RYR2: variants seen among roughly 807,000 people sequenced by gnomAD.
RYR2 encodes the protein ryanodine receptor 2.
In RYR2, 227 loss-of-function variants were observed where a neutral mutation model predicts 601.1. The ratio of observed to expected loss-of-function variants is 0.38; its 90% CI spans 0.34 to 0.42. The LOEUF is 0.42. RYR2 is among the 10% of genes least tolerant of loss of function. The pLI is 1.00. For synonymous variants in RYR2, 2,223 were observed against 2,175.1 expected (o/e 1.02, Z -0.61); for missense variants, 4,646 against 6,156.5 (o/e 0.75, Z 8.21).
chr1:237,592,537 G>A (rs1246959242), intron 32 of RYR2, among the ~76,000 whole-genome samples: 2 of 151,864 alleles, frequency 1.3e-5, no homozygotes, highest in African/African-American at 4.8e-5. Context: ...GGAGGCTGAG[G>A]CAGGAGAATT....
chr1:237,805,052 C>T (rs1000064921), intron 98 of RYR2, among the ~76,000 whole-genome samples: 2 of 152,118 alleles, frequency 1.3e-5, no homozygotes, highest in Non-Finnish European at 1.5e-5. Context: ...ATGCACAGAA[C>T]AGCACCCATA....
At chr1:237,350,616 T>A (rs868586516) in intron 3 of RYR2, among the ~76,000 whole-genome samples, 2 of 100,562 alleles carry the variant, frequency 2.0e-5, no homozygotes, top group Non-Finnish European at 3.7e-5. Context: ...TATATATATA[T>A]ATATATATAT....
At chr1:237,509,422 T>C (rs185076809) in intron 23 of RYR2, among the ~76,000 whole-genome samples, 33 of 152,360 alleles carry the variant, frequency 2.2e-4, no homozygotes, top group East Asian at 1.9e-3. Flanking sequence ...TATTCAAGTA[T>C]ATTTTTCTTT....
intron 56 of RYR2, among the ~76,000 whole-genome samples, chr1:237,662,098 C>T (rs534950876): frequency 6.6e-6 from 1 of 152,092 alleles, no homozygotes; most frequent in South Asian, 2.1e-4. Flanking sequence ...ATGTGCTTCA[C>T]ATGCTCCATA....
At chr1:237,375,563 A>G (rs1192704583) in intron 7 of RYR2, among the ~76,000 whole-genome samples, 2 of 152,178 alleles carry the variant, frequency 1.3e-5, no homozygotes, top group East Asian at 3.9e-4. Context: ...ATTTACCCAT[A>G]TTTACTAAAT....
At chr1:237,651,389 A>G (rs1359551481) in intron 50 of RYR2, 22 bp from the exon 51 acceptor site, 2 of 1,516,650 alleles carry the variant, frequency 1.3e-6, no homozygotes, top group African/African-American at 1.4e-5. Context: ...TGGCATTATG[A>G]ACATTAGCTT....
At chr1:237,426,337 A>G (rs997974131) in intron 12 of RYR2, among the ~76,000 whole-genome samples, 1 of 152,130 alleles carries the variant, frequency 6.6e-6, no homozygotes, top group Non-Finnish European at 1.5e-5. Flanking sequence ...ATCTGTATCT[A>G]TATATTTGCT....
At chr1:237,513,319 T>C (rs2805427) in intron 24 of RYR2, among the ~76,000 whole-genome samples, 47,925 of 152,186 alleles carry the variant, frequency 0.31, 9,332 homozygotes, top group East Asian at 0.5. Flanking sequence ...ACTGGATTTG[T>C]TCCAATAGGT....
At chr1:237,261,552 G>A (rs1049989062) in intron 1 of RYR2, among the ~76,000 whole-genome samples, 2 of 152,176 alleles carry the variant, frequency 1.3e-5, no homozygotes, top group Non-Finnish European at 2.9e-5. Flanking sequence ...CCACCGGGAC[G>A]GTTATATTGT....
chr1:237,574,523 T>C (rs1390784751), intron 29 of RYR2, among the ~76,000 whole-genome samples: 8 of 152,134 alleles, frequency 5.3e-5, no homozygotes, highest in African/African-American at 1.9e-4. Flanking sequence ...GTTAGTCAAA[T>C]AGAGATTATA....
At chr1:237,240,992 G>A (rs546715681) in intron 1 of RYR2, among the ~76,000 whole-genome samples, 7 of 152,240 alleles carry the variant, frequency 4.6e-5, no homozygotes, top group African/African-American at 1.7e-4. Flanking sequence ...TGGAAATAAG[G>A]TCAAATGAAT....
At chr1:237,569,442 C>A in intron 29 of RYR2, 123 bp downstream of exon 29, 2 of 835,006 alleles carry the variant, frequency 2.4e-6, no homozygotes, top group Non-Finnish European at 3.8e-6. Flanking sequence ...AGCTGTAAAT[C>A]GTGAGGGTGC....
chr1:237,637,800 A>G (rs1681032410), intron 44 of RYR2, among the ~76,000 whole-genome samples: 1 of 152,158 alleles, frequency 6.6e-6, no homozygotes, highest in Non-Finnish European at 1.5e-5. Context: ...AATGCTATTA[A>G]ATTCAGAAAC....
At chr1:237,494,112 G>A (rs143520088) in intron 19 of RYR2, among the ~76,000 whole-genome samples, 1 of 152,126 alleles carries the variant, frequency 6.6e-6, no homozygotes. Context: ...GGGCGAATAG[G>A]ATAGCTGTAT....
At chr1:237,388,059 A>G in intron 9 of RYR2, 28 bp from the exon 10 acceptor site, 6 of 1,596,496 alleles carry the variant, frequency 3.8e-6, no homozygotes, top group Non-Finnish European at 4.3e-6. Flanking sequence ...CTGACAGTCC[A>G]GACCTGAATG....
chr1:237,083,814 G>T (rs1666007406), intron 1 of RYR2, among the ~76,000 whole-genome samples: 1 of 152,100 alleles, frequency 6.6e-6, no homozygotes, highest in South Asian at 2.1e-4. Context: ...GCTCTCAAAT[G>T]CTTTCCCTCA....
intron 80 of RYR2, among the ~76,000 whole-genome samples, chr1:237,751,696 T>C (rs1424969654): frequency 6.6e-6 from 1 of 152,214 alleles, no homozygotes; most frequent in African/African-American, 2.4e-5. Flanking sequence ...GTGTTTCTTT[T>C]GTCTCTGTAG....
At chr1:237,061,513 T>C (rs1662891189) in intron 1 of RYR2, among the ~76,000 whole-genome samples, 1 of 152,204 alleles carries the variant, frequency 6.6e-6, no homozygotes, top group Non-Finnish European at 1.5e-5. Flanking sequence ...GGTCTTACCA[T>C]GTTGCCAAGG....
intron 17 of RYR2, among the ~76,000 whole-genome samples, chr1:237,488,212 A>G (rs910026644): frequency 3.3e-5 from 5 of 152,110 alleles, no homozygotes; most frequent in African/African-American, 9.7e-5. Flanking sequence ...ACGATTGGCA[A>G]TCTTTTTCTG....
Sources: gnomAD v4.1 joint callset for allele counts (sites outside exome capture counted in the v4.1 genomes callset) on GRCh38, gnomAD v4.1.1 for gene constraint, MANE v1.5 for transcripts, NCBI Gene and HGNC (gene_info 2026-07-23, HGNC 2026-07-21) for gene names.